Variants in NALF1 observed in about 807,000 individuals in gnomAD.
NALF1 encodes the protein family with sequence similarity 155 member A.
NALF1 carries 3 observed loss-of-function variants against 48.4 expected under a neutral mutation model. The ratio of observed to expected loss-of-function variants is 0.06; its 90% CI spans 0.03 to 0.16. The LOEUF is 0.16. NALF1 is among the 10% of genes least tolerant of loss of function. The pLI, the probability that NALF1 is intolerant of heterozygous loss-of-function variation, is 1.00. For missense variants in NALF1, 526 were observed against 571.5 expected (o/e 0.92, Z 0.81); for synonymous variants, 262 against 245.7 (o/e 1.07, Z -0.62).
intron 1 of NALF1, among the ~76,000 whole-genome samples, chr13:107,411,886 G>A (rs1883998164): frequency 1.3e-5 from 2 of 152,104 alleles, no homozygotes; most frequent in African/African-American, 2.4e-5. Flanking sequence ...TGTCAAAGCA[G>A]AACACGCCCC....
intron 1 of NALF1, among the ~76,000 whole-genome samples, chr13:107,791,767 G>A (rs993906767): frequency 2.4e-4 from 32 of 135,128 alleles, no homozygotes; most frequent in African/African-American, 8.6e-4. Flanking sequence ...CCTGGCCAAC[G>A]TGGTGATCCC....
At chr13:107,624,827 G>T (rs1027138936) in intron 1 of NALF1, among the ~76,000 whole-genome samples, 5 of 152,146 alleles carry the variant, frequency 3.3e-5, no homozygotes, top group Non-Finnish European at 7.3e-5. Context: ...AATAAAGGAG[G>T]GGGGTGCAGA....
intron 1 of NALF1, among the ~76,000 whole-genome samples, chr13:107,387,854 C>A (rs1047855443): frequency 6.6e-6 from 1 of 152,206 alleles, no homozygotes; most frequent in African/African-American, 2.4e-5. Flanking sequence ...AAATGCTACC[C>A]TTGAGTAACT....
At chr13:107,691,194 A>T (rs1411542167) in intron 1 of NALF1, among the ~76,000 whole-genome samples, 2 of 152,350 alleles carry the variant, frequency 1.3e-5, no homozygotes, top group South Asian at 2.1e-4. Flanking sequence ...CAAGCCAAGG[A>T]ATACCAAACA....
rs975677611 is a variant in NALF1, at chr13:107,164,962, T to C, written c.*5535A>G. ...TTTGTCCAGGCACATTTATATTACTTATCTCTTTTAAGCCTCCAATGTTGC... is the reference window on the plus strand; with the variant it reads ...TTTGTCCAGGCACATTTATATTACTCATCTCTTTTAAGCCTCCAATGTTGC... On this transcript the variant is annotated 3_prime_UTR_variant, in exon 3 of 3. Transcript: ENST00000375915. 6.6e-6 allele frequency: 1 copy of C among 152,140 alleles called. No homozygotes were observed. The highest frequency in any genetic ancestry group is 2.1e-4 in the South Asian group (1 of 4,826). The allele number at this position is 152,140 out of a possible 1,614,324, so 9.4% of individuals were successfully genotyped here.
intron 1 of NALF1, among the ~76,000 whole-genome samples, chr13:107,298,351 CAAAAAAAA>C (rs1192707023): frequency 1.6e-3 from 27 of 16,626 alleles, no homozygotes; most frequent in South Asian, 6.7e-3. Flanking sequence ...GACTCCATCT[CAAAAAAAA>C]AAAAAAAAAA....
intron 1 of NALF1, among the ~76,000 whole-genome samples, chr13:107,474,382 C>T (rs1439402219): frequency 2.0e-5 from 3 of 152,098 alleles, no homozygotes; most frequent in Admixed American, 1.3e-4. Flanking sequence ...TAGCTCCTGC[C>T]CCACACTGTT....
intron 1 of NALF1, among the ~76,000 whole-genome samples, chr13:107,580,672 C>T (rs1406867348): frequency 6.6e-6 from 1 of 152,170 alleles, no homozygotes; most frequent in African/African-American, 2.4e-5. Flanking sequence ...TTTCTTGGGC[C>T]TGGCACAGCA....
At chr13:107,285,783 G>C (rs567044009) in intron 1 of NALF1, among the ~76,000 whole-genome samples, 2 of 152,154 alleles carry the variant, frequency 1.3e-5, no homozygotes, top group African/African-American at 4.8e-5. Flanking sequence ...AATAAGCAAA[G>C]CTGCTGCCCA....
intron 1 of NALF1, among the ~76,000 whole-genome samples, chr13:107,473,430 C>A (rs1309277731): frequency 6.6e-6 from 1 of 152,130 alleles, no homozygotes; most frequent in Non-Finnish European, 1.5e-5. Flanking sequence ...TCCGCGTTCT[C>A]CACCAAAATT....
chr13:107,771,971 G>A (rs562567798), intron 1 of NALF1, among the ~76,000 whole-genome samples: 1 of 152,160 alleles, frequency 6.6e-6, no homozygotes, highest in African/African-American at 2.4e-5. Context: ...TCCTGACCTC[G>A]TGATCTGCCC....
intron 1 of NALF1, among the ~76,000 whole-genome samples, chr13:107,722,775 A>C (rs1013758834): frequency 1.3e-5 from 2 of 152,182 alleles, no homozygotes; most frequent in African/African-American, 4.8e-5. Flanking sequence ...CAGAGTTGCC[A>C]TAAGAATCAC....
At chr13:107,593,289 T>G (rs1440117948) in intron 1 of NALF1, among the ~76,000 whole-genome samples, 1 of 151,938 alleles carries the variant, frequency 6.6e-6, no homozygotes, top group African/African-American at 2.4e-5. Flanking sequence ...CTAGAATTAT[T>G]TACCTGATGA....
At chr13:107,781,500 A>G (rs930373598) in intron 1 of NALF1, among the ~76,000 whole-genome samples, 3 of 152,030 alleles carry the variant, frequency 2.0e-5, no homozygotes, top group African/African-American at 7.2e-5. Context: ...TTCTAACTCC[A>G]GGGGCTATTT....
intron 1 of NALF1, among the ~76,000 whole-genome samples, chr13:107,697,836 C>T (rs889253012): frequency 7.9e-5 from 12 of 152,122 alleles, no homozygotes; most frequent in Non-Finnish European, 1.8e-4. Context: ...CTTCGTTTAG[C>T]AAAGAGCCAA....
intron 1 of NALF1, among the ~76,000 whole-genome samples, chr13:107,307,851 C>A (rs955378032): frequency 6.6e-6 from 1 of 152,178 alleles, no homozygotes; most frequent in Admixed American, 6.5e-5. Context: ...AGAGTACTTA[C>A]AATACACTTA....
intron 1 of NALF1, among the ~76,000 whole-genome samples, chr13:107,410,076 T>C (rs1212397616): frequency 6.6e-6 from 1 of 152,268 alleles, no homozygotes; most frequent in Admixed American, 6.5e-5. Context: ...GGAAATTTTA[T>C]GAAAATATTC....
chr13:107,490,768 C>G (rs763147358), intron 1 of NALF1, among the ~76,000 whole-genome samples: 1 of 152,014 alleles, frequency 6.6e-6, no homozygotes, highest in Non-Finnish European at 1.5e-5. Context: ...GGGGTTTACT[C>G]TTCAAGTTTA....
intron 1 of NALF1, among the ~76,000 whole-genome samples, chr13:107,230,733 G>A (rs1880202564): frequency 6.6e-6 from 1 of 151,912 alleles, no homozygotes; most frequent in Non-Finnish European, 1.5e-5. Context: ...GAGATAACAC[G>A]AACGACTGGG....
Sources: gnomAD v4.1 joint callset for allele counts (sites outside exome capture counted in the v4.1 genomes callset) on GRCh38, gnomAD v4.1.1 for gene constraint, MANE v1.5 for transcripts, NCBI Gene and HGNC (gene_info 2026-07-23, HGNC 2026-07-21) for gene names.